PDE11A: variants seen among roughly 807,000 people sequenced by gnomAD.
PDE11A encodes dual 3',5'-cyclic-AMP and -GMP phosphodiesterase 11A.
In PDE11A, 100 loss-of-function variants were observed where a neutral mutation model predicts 100.5. That is an observed-to-expected ratio of 1.00 (90% CI 0.85 to 1.18). PDE11A has a LOEUF of 1.18. PDE11A is among the 50% of genes most tolerant of loss of function. The probability of loss-of-function intolerance (pLI) is 0.00; values close to 1 mark genes in which losing one functional copy is unlikely to be tolerated. For synonymous variants in PDE11A, 381 were observed against 420.8 expected (o/e 0.91, Z 1.16); for missense variants, 1,141 against 1,152.6 (o/e 0.99, Z 0.15).
At chr2:178,056,382 A>C (rs1012462430) in intron 1 of PDE11A, among the ~76,000 whole-genome samples, 3 of 152,218 alleles carry the variant, frequency 2.0e-5, no homozygotes, top group African/African-American at 7.2e-5. Flanking sequence ...TGCTGCTGCT[A>C]AAAGTTCCTG....
chr2:177,787,615 C>T (rs1446649420), intron 9 of PDE11A, among the ~76,000 whole-genome samples: 3 of 150,726 alleles, frequency 2.0e-5, no homozygotes, highest in South Asian at 4.3e-4. Flanking sequence ...AGAGTCAAGA[C>T]CCATCAGTGT....
At chr2:177,765,585 T>G (rs540493495) in intron 10 of PDE11A, among the ~76,000 whole-genome samples, 1 of 152,324 alleles carries the variant, frequency 6.6e-6, no homozygotes, top group African/African-American at 2.4e-5. Flanking sequence ...TAGTGATGCT[T>G]CCTTCATTAG....
rs567708361 is a variant in PDE11A, at chr2:177,736,716, G to A, written c.1789-8544C>T. ...GACTCCCATGTTGGAGCTCCCATAA[G>A]CTAAGTGACAGTTGAATCAGAATCC... On this transcript the variant is annotated intron_variant, in intron 10 of 19. Coordinates refer to ENST00000286063, the MANE Select transcript of PDE11A (RefSeq NM_016953.4). Among the ~76,000 whole-genome samples, 20 of 152,202 alleles carry A rather than the reference G, an allele frequency of 1.3e-4. No homozygotes were observed. In the South Asian group the frequency reaches 4.2e-3, roughly 32 times the overall value.
At chr2:177,663,213 CT>C (rs1213226936) in intron 19 of PDE11A, among the ~76,000 whole-genome samples, 1 of 145,748 alleles carries the variant, frequency 6.9e-6, no homozygotes, top group Non-Finnish European at 1.5e-5. Context: ...CGACACTTTT[CT>C]CCTTTCAGAA....
At chr2:177,815,806 G>A (rs1403673655) in intron 9 of PDE11A, among the ~76,000 whole-genome samples, 1 of 152,164 alleles carries the variant, frequency 6.6e-6, no homozygotes, top group Non-Finnish European at 1.5e-5. Context: ...ATATTTTGAA[G>A]ATTTCATGTG....
At chr2:177,986,830 CA>C (rs57382231) in intron 2 of PDE11A, among the ~76,000 whole-genome samples, 1,992 of 94,518 alleles carry the variant, frequency 0.021, 24 homozygotes, top group African/African-American at 0.059. Context: ...GACTCCATCT[CA>C]AAAAAAAAAA....
intron 15 of PDE11A, 141 bp downstream of exon 15, chr2:177,697,191 G>C: frequency 1.5e-6 from 1 of 663,638 alleles, no homozygotes; most frequent in Admixed American, 2.1e-5. Context: ...TTATATCAGA[G>C]AGAAACAACA....
chr2:177,644,111 C>T lies in PDE11A; in HGVS notation c.2647-14549G>A, dbSNP rs541326855. On this transcript the variant is annotated intron_variant, in intron 19 of 19. Transcript: ENST00000286063. ...GTGGGGGGGAGCCCCCACACAGAGT[C>T]CCCACCTGGGCATTGCCTAGTGGAG... Among the ~76,000 whole-genome samples the T allele has an allele frequency of 1.6e-4, 24 of 152,338 alleles. No homozygotes were observed. The East Asian group carries it at 4.2e-3, about 27-fold the overall frequency.
At chr2:178,096,464 C>G (rs1043691202) in intron 2 of PDE11A, among the ~76,000 whole-genome samples, 2 of 151,818 alleles carry the variant, frequency 1.3e-5, no homozygotes, top group African/African-American at 4.8e-5. Flanking sequence ...TGAGCCACTG[C>G]GCCTGGCCCA....
At chr2:178,089,697 G>T (rs1184967021) in intron 2 of PDE11A, among the ~76,000 whole-genome samples, 2 of 152,208 alleles carry the variant, frequency 1.3e-5, no homozygotes, top group East Asian at 3.8e-4. Flanking sequence ...CTGGTCAAAC[G>T]ATCTTTGTTA....
intron 2 of PDE11A, among the ~76,000 whole-genome samples, chr2:177,933,442 A>T (rs10176133): frequency 0.086 from 13,160 of 152,222 alleles, 539 homozygotes; most frequent in South Asian, 0.099. Flanking sequence ...GCACTTTGGG[A>T]GGCCGAGGTG....
intron 2 of PDE11A, among the ~76,000 whole-genome samples, chr2:177,950,224 A>AT (rs34823486): frequency 0.17 from 24,790 of 148,116 alleles, 2,094 homozygotes; most frequent in Middle Eastern, 0.29. Context: ...TCTCCTTCCC[A>AT]TTTTTTTTTT....
intron 9 of PDE11A, among the ~76,000 whole-genome samples, chr2:177,773,377 C>G (rs2082338849): frequency 6.6e-6 from 1 of 152,140 alleles, no homozygotes; most frequent in Non-Finnish European, 1.5e-5. Flanking sequence ...CTTCTACAAA[C>G]TTTATAGTTT....
chr2:177,830,633 A>C (rs1193673272), intron 6 of PDE11A, among the ~76,000 whole-genome samples: 25 of 148,276 alleles, frequency 1.7e-4, no homozygotes, highest in Non-Finnish European at 3.4e-4. Flanking sequence ...AATAATAATA[A>C]TAATAATAAT....
chr2:178,044,311 T>A (rs2086717327), intron 1 of PDE11A, among the ~76,000 whole-genome samples: 1 of 150,626 alleles, frequency 6.6e-6, no homozygotes. Flanking sequence ...TGAAGAATCC[T>A]GATTTTACCA....
chr2:178,060,771 A>G (rs944489308), intron 1 of PDE11A, among the ~76,000 whole-genome samples: 1 of 152,072 alleles, frequency 6.6e-6, no homozygotes, highest in Non-Finnish European at 1.5e-5. Context: ...CTTTTATAAT[A>G]TATCATAATT....
chr2:177,798,348 C>G (rs960581794), intron 9 of PDE11A, among the ~76,000 whole-genome samples: 1 of 152,180 alleles, frequency 6.6e-6, no homozygotes, highest in African/African-American at 2.4e-5. Context: ...AGACTGAAAT[C>G]ACATGAGATT....
At chr2:178,040,333 G>C (rs1481564533) in intron 1 of PDE11A, among the ~76,000 whole-genome samples, 1 of 152,174 alleles carries the variant, frequency 6.6e-6, no homozygotes, top group Non-Finnish European at 1.5e-5. Context: ...TAGGATTACA[G>C]GTGTGAGCCA....
At chr2:177,994,566 T>C (rs922658226) in intron 2 of PDE11A, among the ~76,000 whole-genome samples, 3 of 152,246 alleles carry the variant, frequency 2.0e-5, no homozygotes, top group African/African-American at 7.2e-5. Flanking sequence ...GTGTTTTATA[T>C]ACTGATCCTA....
Sources: allele counts gnomAD v4.1 joint callset (sites outside exome capture counted in the v4.1 genomes callset), GRCh38; gene constraint gnomAD v4.1.1; transcripts MANE v1.5; gene names NCBI Gene and HGNC (gene_info 2026-07-23, HGNC 2026-07-21).